The following SET variants were observed in gnomAD, a reference collection of about 807,000 sequenced individuals.
SET encodes the protein protein SET.
A neutral mutation model predicts 39.0 loss-of-function variants in SET; 4 were observed. The ratio of observed to expected loss-of-function variants is 0.10; its 90% confidence interval spans 0.05 to 0.23. The LOEUF (loss-of-function observed/expected upper bound fraction) is 0.23. Among genes scored for constraint, SET ranks in the 10% least tolerant of loss-of-function variants. The pLI is 1.00. For synonymous variants in SET, 114 were observed against 115.9 expected (o/e 0.98, Z 0.11); for missense variants, 137 against 329.7 (o/e 0.42, Z 4.53).
chr9:128,689,707 C>T (rs1041366957), intron 1 of SET, 52 bp downstream of exon 1: 7 of 481,102 alleles, frequency 1.5e-5, no homozygotes, highest in African/African-American at 2.1e-5. Context: ...TCGCCGCCCG[C>T]CCCGGCCCGC....
Position 128,692,397 on chromosome 9 carries a change from C to CAAAAAAAAAAAAAAAAAAAAAAAAAACAA in SET, c.275-240_275-239insACAAAAAAAAAAAAAAAAAAAAAAAAAAA, listed in dbSNP as rs58637669. 2 of 74,592 alleles carry CAAAAAAAAAAAAAAAAAAAAAAAAAACAA rather than the reference C, an allele frequency of 2.7e-5. 1 individual carries two copies. 4.6% of individuals were successfully genotyped at this position (74,592 alleles called of 1,614,324 possible). ...CTGGGCGACAAGAGTGAGACTGTTT[C>CAAAAAAAAAAAAAAAAAAAAAAAAAACAA]AAAAAAAAAAAAAAAAAAAAAAAAA... On this transcript the variant is annotated intron_variant, in intron 3 of 7. Transcript: ENST00000322030.
At chr9:128,683,907 A>C in exon 1 of SET, 1 of 1,552,220 alleles carries the variant, frequency 6.4e-7, no homozygotes, top group Non-Finnish European at 8.7e-7. Flanking sequence ...TGGCCCCTAA[A>C]CGCCAGTCTC....
chr9:128,689,717 C>T, intron 1 of SET, 62 bp downstream of exon 1: 2 of 382,856 alleles, frequency 5.2e-6, no homozygotes, highest in Non-Finnish European at 7.1e-6. Context: ...CCCCGGCCCG[C>T]AGGCCGCCGG....
chr9:128,686,679 A>T (rs1201084605), upstream of SET, among the ~76,000 whole-genome samples: 2 of 152,168 alleles, frequency 1.3e-5, no homozygotes, highest in Non-Finnish European at 2.9e-5. Context: ...TGGTCACATT[A>T]AAAAAACTGA....
upstream of SET, chr9:128,684,999 C>T: frequency 6.9e-7 from 1 of 1,440,598 alleles, no homozygotes; most frequent in East Asian, 2.5e-5. Context: ...TGTGGTGGAG[C>T]CTTCCTGGGC....
chr9:128,689,024 G>A (rs969778695), upstream of SET, among the ~76,000 whole-genome samples: 1 of 151,028 alleles, frequency 6.6e-6, no homozygotes, highest in African/African-American at 2.4e-5. Flanking sequence ...AGGGGAGAGC[G>A]GGGGAGGGGA....
At position 128,695,189 on chromosome 9, in the gene SET, C is replaced by A. The variant is rs1440868353; in HGVS notation, c.*525C>A. On this transcript the variant is annotated 3_prime_UTR_variant, in exon 8 of 8. Coordinates refer to ENST00000322030, the MANE Select transcript of SET (RefSeq NM_003011.4). ...AAAAAATGGGGTTATAGAAGGTCAG[C>A]AAAGGGTGGGTTTGAGATGTTTGGG... The A allele has an allele frequency of 1.8e-5, 4 of 222,274 alleles. No individual in the cohort carries two copies. Among genetic ancestry groups the A allele is most frequent in the African/African-American group, 8.9e-5 (4 of 44,936 alleles). The allele number at this position is 222,274 out of a possible 1,614,324, so 13.8% of individuals were successfully genotyped here. A position where few individuals can be genotyped will look rare whatever the true frequency, so the allele number is the denominator to read the frequency against.
chr9:128,694,567 G>GGGTCCATTGT (rs1156709230), intron 7 of SET, 74 bp from the exon 8 acceptor site: 5 of 981,828 alleles, frequency 5.1e-6, no homozygotes, highest in Non-Finnish European at 7.7e-6. Context: ...GGCACTCGTG[G>GGGTCCATTGT]GGTCCATTGT....
chr9:128,686,962 C>G (rs1047105795), upstream of SET, among the ~76,000 whole-genome samples: 3 of 152,148 alleles, frequency 2.0e-5, no homozygotes, highest in African/African-American at 7.2e-5. Context: ...GACCCTGTCT[C>G]ATAATAATAA....
Position 128,689,604 on chromosome 9 carries a change from G to C in SET, c.22G>C (p.Val8Leu). 1.4e-6 allele frequency: 2 copies of C among 1,379,862 alleles called. No individual in the cohort carries two copies. The highest frequency in any genetic ancestry group is 1.9e-6 in the Non-Finnish European group (2 of 1,048,034). The allele number at this position is 1,379,862 out of a possible 1,614,324, so 85.5% of individuals were successfully genotyped here. The change falls in exon 1 of 8, where the codon GTC becomes CTC. Residue 8 changes from valine (V) to leucine (L), a missense_variant. Around this residue, in one of 3 missense-constraint regions of SET, gnomAD observed 34 missense variants for 29.5 expected, o/e 1.15. Coordinates refer to ENST00000322030, the MANE Select transcript of SET (RefSeq NM_003011.4). MSAPAAK[V>L]SKKELNSNHD... ...CACCATGTCGGCGCCGGCGGCCAAA[G>C]TCAGTAAAAAGGAGCTCAACTCCAA...
chr9:128,689,554 CGCT>C lies in SET; in HGVS notation c.-28_-26del. On this transcript the variant is annotated 5_prime_UTR_variant, in exon 1 of 8. Transcript: ENST00000322030. ...TCGCCTTCCCTTCTCTCCCCCTCCCCGCTCCCCCCCCGACCGCGGAGCAGCACC... is the reference window on the plus strand; with the variant it reads ...TCGCCTTCCCTTCTCTCCCCCTCCCCCCCCCCCCGACCGCGGAGCAGCACC... 7.8e-7 allele frequency: 1 copy of C among 1,285,814 alleles called. No homozygotes were observed. The highest frequency in any genetic ancestry group is 1.0e-6 in the Non-Finnish European group (1 of 979,188). 79.7% of individuals were successfully genotyped at this position (1,285,814 alleles called of 1,614,324 possible). A position where few individuals can be genotyped will look rare whatever the true frequency, so the allele number is the denominator to read the frequency against.
chr9:128,686,038 A>C (rs574080964), upstream of SET, among the ~76,000 whole-genome samples: 433 of 152,002 alleles, frequency 2.8e-3, 7 homozygotes, highest in East Asian at 0.031. Flanking sequence ...ACAAAAAAAA[A>C]AACAACCAGA....
intron 5 of SET, 43 bp downstream of exon 5, chr9:128,693,024 ATTTCAG>A: frequency 7.4e-7 from 1 of 1,345,472 alleles, no homozygotes; most frequent in East Asian, 2.3e-5. Flanking sequence ...CATTTTGCCT[ATTTCAG>A]TTTAGTTTTA....
chr9:128,695,482 G>C lies in SET; in HGVS notation c.*818G>C, dbSNP rs1022258594. 1 of 220,952 alleles carries C rather than the reference G, an allele frequency of 4.5e-6. No homozygotes were observed. Among genetic ancestry groups the C allele is most frequent in the Non-Finnish European group, 9.3e-6 (1 of 107,852 alleles). 13.7% of individuals were successfully genotyped at this position (220,952 alleles called of 1,614,324 possible). Reference sequence around the variant, plus strand: ...GGAAAGATGATGCTCAGTTTTAAACGTTAAAAGTGTACAAGTTGCTTTGTT... The same window carrying C: ...GGAAAGATGATGCTCAGTTTTAAACCTTAAAAGTGTACAAGTTGCTTTGTT... On this transcript the variant is annotated 3_prime_UTR_variant, in exon 8 of 8. Coordinates refer to ENST00000322030, the MANE Select transcript of SET (RefSeq NM_003011.4).
chr9:128,689,731 GGCCCGGGGCGC>G (rs1180849138), intron 1 of SET, 76 bp downstream of exon 1: 3 of 247,484 alleles, frequency 1.2e-5, no homozygotes, highest in East Asian at 3.8e-4. Context: ...CCGCCGGCGG[GGCCCGGGGCGC>G]GCGCGGGGGG....
rs753964058 is a variant in SET at position 128,691,999 on chromosome 9, A to G, written c.273A>G (p.Gln91=). The G allele has an allele frequency of 5.0e-6, 8 of 1,613,916 alleles. No individual in the cohort carries two copies. Among genetic ancestry groups the G allele is most frequent in the Non-Finnish European group, 6.8e-6 (8 of 1,179,930 alleles). ...FWVTTFVNHP[Q]VSALLGEEDE... ...TAACAACATTTGTCAACCATCCACA[A>G]GGTATGTTTTGGACAGGGCATTGTT... is the stretch of plus-strand genomic sequence containing the variant. Residue 91 remains glutamine (Q), a splice_region_variant and synonymous_variant, in exon 3 of 8, where the codon CAA becomes CAG. Transcript: ENST00000322030.
At position 128,696,390 on chromosome 9, in the gene SET, T is replaced by A. The variant is rs1189728231; in HGVS notation, c.*1726T>A. On this transcript the variant is annotated 3_prime_UTR_variant, in exon 8 of 8. Coordinates refer to ENST00000322030, the MANE Select transcript of SET (RefSeq NM_003011.4). Reference sequence around the variant, plus strand: ...TCCAATAAAGGAACATAAAGATTTTTTTTGGACTGGGGTCATTCTCCTTGT... The same window carrying A: ...TCCAATAAAGGAACATAAAGATTTTATTTGGACTGGGGTCATTCTCCTTGT... 6.1e-6 allele frequency: 1 copy of A among 162,792 alleles called. No individual in the cohort carries two copies. Among genetic ancestry groups the A allele is most frequent in the East Asian group, 1.2e-4 (1 of 8,516 alleles). 10.1% of individuals were successfully genotyped at this position (162,792 alleles called of 1,614,324 possible). A position where few individuals can be genotyped will look rare whatever the true frequency, so the allele number is the denominator to read the frequency against.
intron 3 of SET, 147 bp downstream of exon 3, chr9:128,692,147 G>A (rs1861560267): frequency 4.2e-6 from 4 of 954,928 alleles, no homozygotes; most frequent in Non-Finnish European, 6.2e-6. Flanking sequence ...AGCACTTTGG[G>A]AGGCCGAGGT....
At chr9:128,693,240 AAAG>A (rs1861609994) in intron 5 of SET, among the ~76,000 whole-genome samples, 1 of 152,204 alleles carries the variant, frequency 6.6e-6, no homozygotes, top group Non-Finnish European at 1.5e-5. Context: ...AAACAAAAAA[AAAG>A]AGAAAAATCT....
Sources: allele counts gnomAD v4.1 joint callset (sites outside exome capture counted in the v4.1 genomes callset), GRCh38; gene constraint gnomAD v4.1.1; regional missense constraint gnomAD v4.1.1; transcripts MANE v1.5; gene names NCBI Gene and HGNC (gene_info 2026-07-23, HGNC 2026-07-21).